The following NR3C2 variants were observed in gnomAD, a reference collection of about 807,000 sequenced individuals.
The protein encoded by NR3C2 is nuclear receptor subfamily 3 group C member 2.
Under a neutral mutation model 86.4 loss-of-function variants are expected in NR3C2, and 15 were observed. The observed-to-expected ratio is 0.17, with a 90% confidence interval of 0.12 to 0.27. NR3C2 has a LOEUF of 0.27. Among genes scored for constraint, NR3C2 ranks in the 10% least tolerant of loss-of-function variants. The pLI, the probability that NR3C2 is intolerant of heterozygous loss-of-function variation, is 1.00. For synonymous variants in NR3C2, 458 were observed against 450.5 expected, an observed-to-expected ratio of 1.02 and a Z score of -0.21; for missense variants, 960 against 1,195.6, an observed-to-expected ratio of 0.80 and a Z score of 2.91.
At chr4:148,360,998 C>A (rs1745807543) in intron 2 of NR3C2, among the ~76,000 whole-genome samples, 1 of 152,128 alleles carries the variant, frequency 6.6e-6, no homozygotes, top group African/African-American at 2.4e-5. Context: ...AACATAAACA[C>A]CCTGAATTGT....
intron 6 of NR3C2, among the ~76,000 whole-genome samples, chr4:148,129,590 C>T (rs1351170908): frequency 2.6e-5 from 4 of 152,024 alleles, no homozygotes. Flanking sequence ...CCTGTTATAA[C>T]TTTATTTATT....
At chr4:148,186,996 G>GTATGTATA (rs1735939864) in intron 4 of NR3C2, among the ~76,000 whole-genome samples, 1 of 27,200 alleles carries the variant, frequency 3.7e-5, no homozygotes, top group African/African-American at 3.6e-4. Flanking sequence ...GTGTATGTAT[G>GTATGTATA]TATATATATA....
chr4:148,407,835 AC>A (rs1224370223), intron 2 of NR3C2, among the ~76,000 whole-genome samples: 5 of 152,176 alleles, frequency 3.3e-5, no homozygotes, highest in Non-Finnish European at 7.3e-5. Flanking sequence ...ACTATTTACT[AC>A]TGGAATGATG....
At chr4:148,204,395 G>C (rs1736896201) in intron 3 of NR3C2, among the ~76,000 whole-genome samples, 1 of 152,182 alleles carries the variant, frequency 6.6e-6, no homozygotes, top group Admixed American at 6.5e-5. Flanking sequence ...CAGGGCAGTG[G>C]AAAGGGAACT....
intron 2 of NR3C2, among the ~76,000 whole-genome samples, chr4:148,409,417 G>C (rs1209187472): frequency 1.3e-5 from 2 of 152,038 alleles, no homozygotes; most frequent in African/African-American, 4.8e-5. Flanking sequence ...CCCATGACTT[G>C]CCACCTTCAA....
chr4:148,358,712 G>C (rs1378343060), intron 2 of NR3C2, among the ~76,000 whole-genome samples: 1 of 151,856 alleles, frequency 6.6e-6, no homozygotes, highest in African/African-American at 2.4e-5. Context: ...AATCACTGAG[G>C]TTTTAAAAGT....
chr4:148,195,891 G>A (rs182721978), intron 3 of NR3C2, among the ~76,000 whole-genome samples: 1 of 152,326 alleles, frequency 6.6e-6, no homozygotes, highest in East Asian at 1.9e-4. Context: ...GGTCCTTAGA[G>A]GTGATATTCA....
intron 2 of NR3C2, among the ~76,000 whole-genome samples, chr4:148,306,430 T>G (rs1371349922): frequency 6.6e-6 from 1 of 152,220 alleles, no homozygotes; most frequent in Admixed American, 6.5e-5. Flanking sequence ...GGAGGGTAAG[T>G]CTATCCAGTA....
At chr4:148,312,758 C>T (rs1197717948) in intron 2 of NR3C2, among the ~76,000 whole-genome samples, 1 of 152,092 alleles carries the variant, frequency 6.6e-6, no homozygotes, top group Non-Finnish European at 1.5e-5. Flanking sequence ...TGGCATTTTT[C>T]CAAGCAAATA....
intron 2 of NR3C2, among the ~76,000 whole-genome samples, chr4:148,306,504 C>T (rs1275938322): frequency 6.6e-6 from 1 of 152,192 alleles, no homozygotes; most frequent in East Asian, 1.9e-4. Flanking sequence ...AAATTTATTT[C>T]CTCCCTTAGT....
At chr4:148,151,082 G>A (rs72726656) in intron 6 of NR3C2, among the ~76,000 whole-genome samples, 2,090 of 152,154 alleles carry the variant, frequency 0.014, 21 homozygotes, top group Non-Finnish European at 0.022. Context: ...TAGTGGTGAT[G>A]GTGGCACAAC....
chr4:148,250,203 G>A (rs1404159081), intron 3 of NR3C2, among the ~76,000 whole-genome samples: 1 of 152,092 alleles, frequency 6.6e-6, no homozygotes, highest in African/African-American at 2.4e-5. Flanking sequence ...TATAGATATT[G>A]AGGAATAAGG....
intron 3 of NR3C2, among the ~76,000 whole-genome samples, chr4:148,254,491 T>C (rs1739729349): frequency 1.3e-5 from 2 of 152,186 alleles, no homozygotes; most frequent in Non-Finnish European, 2.9e-5. Flanking sequence ...CCTTTCAGGG[T>C]GGCCTAAATG....
rs551436113 is a variant in NR3C2 at position 148,210,316 on chromosome 4, A to G, written c.1898-15454T>C. Among the ~76,000 whole-genome samples, 24 of 152,052 alleles carry G rather than the reference A, an allele frequency of 1.6e-4. No individual in the cohort carries two copies. In the South Asian group the frequency reaches 3.1e-3, roughly 20 times the overall value. Reference sequence around the variant, plus strand: ...AGCATTTCTCCTGCCTCAGCCTCCCAAGTAGCTGGGAACACAGGCGCATGC... The same window carrying G: ...AGCATTTCTCCTGCCTCAGCCTCCCGAGTAGCTGGGAACACAGGCGCATGC... On this transcript the variant is annotated intron_variant, in intron 3 of 8. Coordinates refer to ENST00000358102, the MANE Select transcript of NR3C2 (RefSeq NM_000901.5).
chr4:148,212,045 T>C (rs1394817687), intron 3 of NR3C2, among the ~76,000 whole-genome samples: 4 of 152,138 alleles, frequency 2.6e-5, no homozygotes, highest in Non-Finnish European at 4.4e-5. Context: ...CTAACCCTGG[T>C]CAGAAATATC....
At chr4:148,355,978 A>C (rs1372264158) in intron 2 of NR3C2, among the ~76,000 whole-genome samples, 1 of 152,118 alleles carries the variant, frequency 6.6e-6, no homozygotes, top group African/African-American at 2.4e-5. Context: ...GTGAGTATTA[A>C]ATCAGTCATG....
At chr4:148,219,472 G>A (rs1238288053) in intron 3 of NR3C2, among the ~76,000 whole-genome samples, 1 of 152,218 alleles carries the variant, frequency 6.6e-6, no homozygotes, top group Non-Finnish European at 1.5e-5. Context: ...CTCAGGGACT[G>A]TTATGGGGGT....
intron 3 of NR3C2, among the ~76,000 whole-genome samples, chr4:148,257,514 T>C (rs1298197505): frequency 6.6e-6 from 1 of 152,190 alleles, no homozygotes; most frequent in African/African-American, 2.4e-5. Flanking sequence ...ACTTTGGCCT[T>C]AGGATTAGGA....
At chr4:148,173,562 A>G (rs941796298) in intron 4 of NR3C2, among the ~76,000 whole-genome samples, 1 of 152,110 alleles carries the variant, frequency 6.6e-6, no homozygotes, top group Admixed American at 6.5e-5. Flanking sequence ...TCTAAGGAAC[A>G]CAGTCTGTTG....
Sources: gnomAD v4.1 joint callset for allele counts (sites outside exome capture counted in the v4.1 genomes callset) on GRCh38, gnomAD v4.1.1 for gene constraint, MANE v1.5 for transcripts, NCBI Gene and HGNC (gene_info 2026-07-23, HGNC 2026-07-21) for gene names.